The following SMG6 variants were observed in gnomAD, a reference collection of about 807,000 sequenced individuals.
SMG6 encodes SMG6 nonsense mediated mRNA decay factor, also known as telomerase-binding protein EST1A.
A neutral mutation model predicts 142.2 loss-of-function variants in SMG6; 66 were observed. The ratio of observed to expected loss-of-function variants is 0.46; its 90% CI spans 0.38 to 0.57. The LOEUF (loss-of-function observed/expected upper bound fraction) is 0.57, where lower values mean the gene tolerates loss of function less well. Among genes scored for constraint, SMG6 ranks in the 20% least tolerant of loss-of-function variants. SMG6 has a pLI of 0.00. For missense variants in SMG6, 1,793 were observed against 1,832.0 expected, an observed-to-expected ratio of 0.98 and a Z score of 0.39; for synonymous variants, 779 against 702.4, an observed-to-expected ratio of 1.11 and a Z score of -1.72.
At position 2,081,945 on chromosome 17, in the gene SMG6, C is replaced by G. The variant is rs1249395070; in HGVS notation, c.3546G>C (p.Val1182=). The G allele has an allele frequency of 6.2e-7, 1 of 1,614,062 alleles. No individual in the cohort carries two copies. The highest frequency in any genetic ancestry group is 2.2e-5 in the East Asian group (1 of 44,896). ...AATCTTCCTCAAAGTCTTCAATCAC[C>G]ACATCCTCCTCCTTTGGGTGGTGGA... is the stretch of plus-strand genomic sequence containing the variant. The part of the protein sequence containing the change: ...GTRLEDEEED[V]VIEDFEEDSE... Residue 1182 remains valine (V), a synonymous_variant, in exon 15 of 19, where the codon GTG becomes GTC. Transcript: ENST00000263073.
In SMG6 at chr17:2,091,816, A is replaced by G. The variant is rs542424238; in HGVS notation, c.3358-5915T>C. Among the ~76,000 whole-genome samples the G allele has an allele frequency of 1.2e-3, 181 of 147,904 alleles. No individual in the cohort carries two copies. In the East Asian group the frequency reaches 0.018, roughly 15 times the overall value. On this transcript the variant is annotated intron_variant, in intron 13 of 18. Transcript: ENST00000263073. ...CTCCCGAGTAGCTGGGACTACAGGC[A>G]CCCGCCACCACGCCCAGCTAATTTT...
chr17:2,078,187 G>A (rs1039062077), intron 15 of SMG6, among the ~76,000 whole-genome samples: 4 of 152,084 alleles, frequency 2.6e-5, no homozygotes, highest in African/African-American at 9.7e-5. Context: ...GCTGTGCAAT[G>A]CAGGGGCCTT....
intron 13 of SMG6, among the ~76,000 whole-genome samples, chr17:2,109,174 C>T (rs1053568457): frequency 7.9e-5 from 12 of 152,164 alleles, no homozygotes; most frequent in African/African-American, 2.9e-4. Flanking sequence ...TTGACAGTAT[C>T]TCATCTGATC....
chr17:2,077,659 T>G (rs1686157541), intron 15 of SMG6, among the ~76,000 whole-genome samples: 1 of 152,138 alleles, frequency 6.6e-6, no homozygotes, highest in African/African-American at 2.4e-5. Context: ...TATTGGTGCT[T>G]TTACCACTTT....
chr17:2,161,357 G>A (rs188848412), intron 13 of SMG6, among the ~76,000 whole-genome samples: 107 of 151,700 alleles, frequency 7.1e-4, no homozygotes, highest in Non-Finnish European at 1.3e-3. Flanking sequence ...AGCCTGCCTC[G>A]GCCTCTCAAA....
At chr17:2,261,300 C>T (rs996747557) in intron 8 of SMG6, among the ~76,000 whole-genome samples, 9 of 143,954 alleles carry the variant, frequency 6.3e-5, no homozygotes, top group Admixed American at 1.4e-4. Context: ...GGTGACAGAG[C>T]GAGACTCCGT....
intron 10 of SMG6, among the ~76,000 whole-genome samples, chr17:2,194,912 C>T (rs975229682): frequency 2.2e-4 from 34 of 152,114 alleles, no homozygotes; most frequent in Non-Finnish European, 5.9e-5. Context: ...GACTGCAAAA[C>T]ACCTGGAGGG....
At chr17:2,162,890 G>A (rs1315347316) in intron 13 of SMG6, among the ~76,000 whole-genome samples, 4 of 152,092 alleles carry the variant, frequency 2.6e-5, no homozygotes, top group Admixed American at 6.5e-5. Flanking sequence ...GGAGTGCAGT[G>A]GTGCAATCTA....
intron 4 of SMG6, among the ~76,000 whole-genome samples, chr17:2,296,641 C>T (rs1043000185): frequency 2.6e-5 from 4 of 152,106 alleles, no homozygotes; most frequent in African/African-American, 9.7e-5. Flanking sequence ...AATCTAATGC[C>T]CCAACATCTC....
At chr17:2,136,924 C>A (rs551849456) in intron 13 of SMG6, among the ~76,000 whole-genome samples, 2 of 151,840 alleles carry the variant, frequency 1.3e-5, no homozygotes, top group African/African-American at 4.8e-5. Context: ...TTTGGGAGGC[C>A]GAGGCAGGAG....
At chr17:2,061,790 TC>T in intron 18 of SMG6, 168 bp from the exon 19 acceptor site, 1 of 751,614 alleles carries the variant, frequency 1.3e-6, no homozygotes. Context: ...CCGGGGACCC[TC>T]CCCTGCTGGC....
chr17:2,237,477 C>A (rs2073695635), intron 9 of SMG6: 1 of 984,436 alleles, frequency 1.0e-6, no homozygotes, highest in African/African-American at 1.7e-5. Flanking sequence ...CAAATTTCCC[C>A]TTGAAGAATG....
chr17:2,087,700 G>T (rs1327173768), intron 13 of SMG6: 1 of 987,550 alleles, frequency 1.0e-6, no homozygotes, highest in Non-Finnish European at 1.2e-6. Flanking sequence ...ATGTGATGAG[G>T]AAGGCTAGAA....
intron 13 of SMG6, among the ~76,000 whole-genome samples, chr17:2,160,698 C>T (rs937968673): frequency 5.3e-5 from 8 of 152,004 alleles, no homozygotes; most frequent in Admixed American, 4.6e-4. Flanking sequence ...GGTGTGATGG[C>T]GTGCGCCTAT....
intron 8 of SMG6, among the ~76,000 whole-genome samples, chr17:2,271,280 G>A (rs183948972): frequency 5.3e-5 from 8 of 151,538 alleles, no homozygotes; most frequent in African/African-American, 1.9e-4. Flanking sequence ...TAGTAGAGAC[G>A]GGGTTTCGCC....
rs1322814738 is a variant in SMG6 at position 2,299,681 on chromosome 17, C to G, written c.1072G>C (p.Ala358Pro). ...GTLRVTFDAE[A>P]MNKESPMVRS... ...ACCATGGGAGACTCTTTGTTCATGG[C>G]TTCTGCATCGAAAGTGACACGAAGA... The change falls in exon 2 of 19, where the codon GCC becomes CCC. Residue 358 changes from alanine (A) to proline (P), a missense_variant. Ala to Pro is a conservative substitution (Grantham distance 27). This residue lies in a region of SMG6 where 1,597 missense variants were observed against 1,584.6 expected (regional missense o/e 1.01). Coordinates refer to ENST00000263073, the MANE Select transcript of SMG6 (RefSeq NM_017575.5). This position sits in a 1 kb window ranked among gnomAD's most constrained non-coding sequence, Gnocchi z 4.3. The G allele has an allele frequency of 1.2e-6, 2 of 1,614,084 alleles. No homozygotes were observed. The highest frequency in any genetic ancestry group is 8.5e-7 in the Non-Finnish European group (1 of 1,180,046).
intron 13 of SMG6, among the ~76,000 whole-genome samples, chr17:2,145,240 A>C (rs1453310867): frequency 1.3e-5 from 2 of 151,122 alleles, no homozygotes; most frequent in Non-Finnish European, 2.9e-5. Context: ...CAGCCTTCTG[A>C]GTAGCTGGGA....
chr17:2,109,270 C>CT (rs752516056), intron 13 of SMG6, among the ~76,000 whole-genome samples: 92 of 147,476 alleles, frequency 6.2e-4, no homozygotes, highest in Non-Finnish European at 1.1e-3. Flanking sequence ...ATATGTCTCT[C>CT]TTTTTTTTTT....
chr17:2,120,389 C>T (rs2069649756), intron 13 of SMG6, among the ~76,000 whole-genome samples: 1 of 152,086 alleles, frequency 6.6e-6, no homozygotes, highest in Admixed American at 6.5e-5. Context: ...TGAAAAGATC[C>T]TTCATAAGGA....
Sources: allele counts gnomAD v4.1 joint callset (sites outside exome capture counted in the v4.1 genomes callset), GRCh38; gene constraint gnomAD v4.1.1; regional missense constraint gnomAD v4.1.1; non-coding constraint Gnocchi (gnomAD v3.1); transcripts MANE v1.5; gene names NCBI Gene and HGNC (gene_info 2026-07-23, HGNC 2026-07-21).